The following AIG1 variants were observed in gnomAD, a reference collection of about 807,000 sequenced individuals.
The protein encoded by AIG1 is androgen induced 1.
A neutral mutation model predicts 31.4 loss-of-function variants in AIG1; 23 were observed. The observed-to-expected ratio is 0.73, with a 90% CI of 0.53 to 1.04. The LOEUF (loss-of-function observed/expected upper bound fraction) is 1.04. Ranked by LOEUF, AIG1 falls within the 50% of genes least tolerant of loss-of-function variation. The probability of loss-of-function intolerance (pLI) is 0.00; values close to 1 mark genes in which losing one functional copy is unlikely to be tolerated. For synonymous variants in AIG1, 100 were observed against 110.5 expected (o/e 0.90, Z 0.60); for missense variants, 274 against 295.0 (o/e 0.93, Z 0.52).
intron 3 of AIG1, among the ~76,000 whole-genome samples, chr6:143,208,406 C>T (rs565244814): frequency 6.6e-6 from 1 of 152,128 alleles, no homozygotes; most frequent in East Asian, 1.9e-4. Context: ...GAGAACACAG[C>T]CATGAATTCA....
At position 143,299,675 on chromosome 6, in the gene AIG1, C is replaced by A. The variant is rs939372235; in HGVS notation, c.515+15450C>A. ...AAACCACAGTATGATGCTGCACAGT[C>A]ATGTAATTTATGACACACAAAACTC... is the stretch of plus-strand genomic sequence containing the variant. On this transcript the variant is annotated intron_variant, in intron 4 of 5. Transcript: ENST00000357847. The surrounding 1 kb of genome is among the most constrained non-coding windows in gnomAD (Gnocchi z 4.1). 1 of 152,200 alleles carries A rather than the reference C, an allele frequency of 6.6e-6. No individual in the cohort carries two copies. The highest frequency in any genetic ancestry group is 1.5e-5 in the Non-Finnish European group (1 of 68,048). 9.4% of individuals were successfully genotyped at this position (152,200 alleles called of 1,614,324 possible). A position where few individuals can be genotyped will look rare whatever the true frequency, so the allele number is the denominator to read the frequency against.
At chr6:143,200,148 A>G (rs777428034) in intron 3 of AIG1, among the ~76,000 whole-genome samples, 1 of 152,218 alleles carries the variant, frequency 6.6e-6, no homozygotes, top group Non-Finnish European at 1.5e-5. Context: ...GCATCTCAAG[A>G]TGAGATGTTC....
In AIG1 at chr6:143,338,733, A is replaced by C. The variant is rs1362764920; in HGVS notation, c.680-906A>C. 3.3e-5 allele frequency: 5 copies of C among 152,200 alleles called. No individual in the cohort carries two copies. The allele number at this position is 152,200 out of a possible 1,614,324, so 9.4% of individuals were successfully genotyped here. On this transcript the variant is annotated intron_variant, in intron 5 of 5. Transcript: ENST00000357847. This position sits in a 1 kb window ranked among gnomAD's most constrained non-coding sequence, Gnocchi z 4.3. ...CACACTATGTTAGGTGCTGGGGAAC[A>C]AAATAGGGAAGGGCCCTACCCTCAG...
Position 143,340,552 on chromosome 6 carries a change from C to T in AIG1, c.*876C>T, listed in dbSNP as rs1777816019. On this transcript the variant is annotated 3_prime_UTR_variant, in exon 6 of 6. Transcript: ENST00000357847. Reference sequence around the variant, plus strand: ...CTCAGCTCACGGCAAGCTCCGCTTCCCGGGTTCATGCCATTCTCCTGCCTT... The same window carrying T: ...CTCAGCTCACGGCAAGCTCCGCTTCTCGGGTTCATGCCATTCTCCTGCCTT... 6.6e-6 allele frequency among the ~76,000 whole-genome samples: 1 copy of T among 152,150 alleles called. No homozygotes were observed. Among genetic ancestry groups the T allele is most frequent in the African/African-American group, 2.4e-5 (1 of 41,436 alleles).
chr6:143,162,787 G>A (rs1028241356), intron 2 of AIG1, among the ~76,000 whole-genome samples: 10 of 152,100 alleles, frequency 6.6e-5, no homozygotes, highest in African/African-American at 2.4e-4. Flanking sequence ...GTCTACCTTC[G>A]GGGTCAGACT....
At chr6:143,250,003 A>G (rs1413418921) in intron 3 of AIG1, among the ~76,000 whole-genome samples, 1 of 152,230 alleles carries the variant, frequency 6.6e-6, no homozygotes, top group East Asian at 1.9e-4. Context: ...CAAGCAATGC[A>G]CAAGAAATCT....
chr6:143,110,747 G>A (rs1022999844), intron 1 of AIG1, among the ~76,000 whole-genome samples: 9 of 152,110 alleles, frequency 5.9e-5, no homozygotes, highest in Non-Finnish European at 1.3e-4. Context: ...TTGTCCAGAT[G>A]GAATCTTTGG....
At chr6:143,301,095 A>G (rs1798791955) in intron 4 of AIG1, among the ~76,000 whole-genome samples, 1 of 152,210 alleles carries the variant, frequency 6.6e-6, no homozygotes, top group Non-Finnish European at 1.5e-5. Context: ...GTTTTTATAA[A>G]AGACAAATAT....
intron 3 of AIG1, among the ~76,000 whole-genome samples, chr6:143,179,458 G>C (rs1477187863): frequency 6.6e-6 from 1 of 152,158 alleles, no homozygotes; most frequent in East Asian, 1.9e-4. Context: ...CACCATTTCA[G>C]AACACGTCAT....
At chr6:143,278,950 T>G (rs1181137940) in intron 3 of AIG1, among the ~76,000 whole-genome samples, 1 of 152,178 alleles carries the variant, frequency 6.6e-6, no homozygotes, top group Non-Finnish European at 1.5e-5. Flanking sequence ...CAGTTTTCCT[T>G]TAAGTACATT....
At chr6:143,172,961 C>A (rs1787780109) in intron 3 of AIG1, among the ~76,000 whole-genome samples, 1 of 151,918 alleles carries the variant, frequency 6.6e-6, no homozygotes, top group Non-Finnish European at 1.5e-5. Flanking sequence ...TCTCTTCTTT[C>A]TTGGTTAATC....
Position 143,338,077 on chromosome 6 carries a change from A to T in AIG1, c.680-1562A>T. The stretch of plus-strand genomic sequence containing the variant: ...TTTTGAAGATTCCAGCACTGCTGCC[A>T]AGTCAACCCATCTGCAGGAGAACGC... On this transcript the variant is annotated intron_variant, in intron 5 of 5. Transcript: ENST00000357847. The surrounding 1 kb of genome is among the most constrained non-coding windows in gnomAD (Gnocchi z 4.3). 2.5e-6 allele frequency: 1 copy of T among 398,664 alleles called. No homozygotes were observed. The highest frequency in any genetic ancestry group is 4.4e-6 in the Non-Finnish European group (1 of 226,114). 24.7% of individuals were successfully genotyped at this position (398,664 alleles called of 1,614,324 possible).
At chr6:143,183,921 TG>T (rs1788976907) in intron 3 of AIG1, among the ~76,000 whole-genome samples, 2 of 152,240 alleles carry the variant, frequency 1.3e-5, no homozygotes, top group Admixed American at 1.3e-4. Flanking sequence ...CCTGGTTTCT[TG>T]GCAGAAGTCC....
intron 1 of AIG1, among the ~76,000 whole-genome samples, chr6:143,085,171 A>C (rs1397185634): frequency 6.6e-6 from 1 of 152,168 alleles, no homozygotes; most frequent in Non-Finnish European, 1.5e-5. Context: ...AAAAAGGTAC[A>C]TGCACTCTGA....
In AIG1 at chr6:143,334,988, TA is replaced by T; in HGVS notation, c.679+1545del. On this transcript the variant is annotated intron_variant, in intron 5 of 5. Coordinates refer to ENST00000357847, the MANE Select transcript of AIG1 (RefSeq NM_016108.4). This position sits in a 1 kb window ranked among gnomAD's most constrained non-coding sequence, Gnocchi z 5.1. Reference sequence around the variant, plus strand: ...ATTAAGGTTTTTTGAATGATTTGTTTAATTTATGCCATTCTTTTAAGTAACA... The same window carrying T: ...ATTAAGGTTTTTTGAATGATTTGTTTATTTATGCCATTCTTTTAAGTAACA... The T allele has an allele frequency of 1.0e-6, 1 of 960,294 alleles. No homozygotes were observed. 59.5% of individuals were successfully genotyped at this position (960,294 alleles called of 1,614,324 possible).
intron 1 of AIG1, among the ~76,000 whole-genome samples, chr6:143,066,950 G>T (rs1776768853): frequency 6.6e-6 from 1 of 152,152 alleles, no homozygotes; most frequent in Non-Finnish European, 1.5e-5. Flanking sequence ...TAGGAGGCTT[G>T]CTTAAACCCA....
chr6:143,194,747 G>T (rs1256176130), intron 3 of AIG1, among the ~76,000 whole-genome samples: 1 of 152,096 alleles, frequency 6.6e-6, no homozygotes, highest in Admixed American at 6.5e-5. Context: ...TCCACGTCAC[G>T]GCAGGTGGCC....
At chr6:143,088,820 T>G (rs1779038134) in intron 1 of AIG1, among the ~76,000 whole-genome samples, 1 of 152,250 alleles carries the variant, frequency 6.6e-6, no homozygotes, top group Non-Finnish European at 1.5e-5. Context: ...CCACAAATGT[T>G]GCTGGCTAAT....
chr6:143,186,586 A>C (rs1789277164), intron 3 of AIG1: 1 of 152,214 alleles, frequency 6.6e-6, no homozygotes, highest in Admixed American at 6.5e-5. Flanking sequence ...GTTGTTAGTA[A>C]ACATTCCTTC....
Sources: gnomAD v4.1 joint callset for allele counts (sites outside exome capture counted in the v4.1 genomes callset) on GRCh38, gnomAD v4.1.1 for gene constraint, Gnocchi (gnomAD v3.1) non-coding constraint, MANE v1.5 for transcripts, NCBI Gene and HGNC (gene_info 2026-07-23, HGNC 2026-07-21) for gene names.